Variants in LRMDA observed in about 807,000 individuals in gnomAD.
LRMDA encodes the protein leucine-rich melanocyte differentiation-associated protein.
LRMDA carries 18 observed loss-of-function variants against 29.8 expected under a neutral mutation model. That is an observed-to-expected ratio of 0.60 (90% CI 0.42 to 0.90). LRMDA has a LOEUF of 0.90. LRMDA is among the 40% of genes least tolerant of loss of function. LRMDA has a pLI of 0.00. For missense variants in LRMDA, 273 were observed against 273.9 expected (o/e 1.00, Z 0.02); for synonymous variants, 125 against 109.4 (o/e 1.14, Z -0.89).
intron 2 of LRMDA, among the ~76,000 whole-genome samples, chr10:75,477,724 C>G (rs1004597566): frequency 6.6e-6 from 1 of 152,224 alleles, no homozygotes; most frequent in Admixed American, 6.5e-5. Context: ...TGGGGCCCTG[C>G]TGTTCCCACC....
intron 2 of LRMDA, among the ~76,000 whole-genome samples, chr10:75,452,322 C>A (rs1219826972): frequency 6.6e-6 from 1 of 152,098 alleles, no homozygotes; most frequent in Non-Finnish European, 1.5e-5. Context: ...GTGTTTATCG[C>A]GCGTCTCTGT....
chr10:76,075,606 C>A (rs1453560524), intron 5 of LRMDA, among the ~76,000 whole-genome samples: 2 of 152,250 alleles, frequency 1.3e-5, no homozygotes, highest in Non-Finnish European at 2.9e-5. Context: ...ATCTACCATA[C>A]TGAGCACTTG....
chr10:75,916,187 T>G (rs139293559), intron 2 of LRMDA, among the ~76,000 whole-genome samples: 1 of 109,992 alleles, frequency 9.1e-6, no homozygotes, highest in Non-Finnish European at 2.1e-5. Flanking sequence ...TGTGTGTGTG[T>G]GTGTGTGTGG....
At chr10:76,202,115 C>T (rs1270488738) in intron 5 of LRMDA, among the ~76,000 whole-genome samples, 2 of 152,164 alleles carry the variant, frequency 1.3e-5, no homozygotes, top group Non-Finnish European at 2.9e-5. Context: ...CTGATTCTGT[C>T]ACGTTGGCTA....
intron 2 of LRMDA, among the ~76,000 whole-genome samples, chr10:75,889,631 C>A (rs1845449897): frequency 6.6e-6 from 1 of 152,202 alleles, no homozygotes; most frequent in Non-Finnish European, 1.5e-5. Context: ...ACGCCTAGAA[C>A]TGGCAACTTA....
At chr10:76,233,347 A>G (rs1195208970) in intron 5 of LRMDA, among the ~76,000 whole-genome samples, 3 of 152,232 alleles carry the variant, frequency 2.0e-5, no homozygotes, top group Non-Finnish European at 4.4e-5. Context: ...TAAAAATGCT[A>G]ATAACTATCT....
intron 2 of LRMDA, among the ~76,000 whole-genome samples, chr10:76,022,349 T>A (rs1847987967): frequency 6.6e-6 from 1 of 152,232 alleles, no homozygotes; most frequent in South Asian, 2.1e-4. Context: ...CACCAGTGAT[T>A]GACTCATGGG....
chr10:75,451,033 G>A (rs549681880), intron 2 of LRMDA: 2 of 152,336 alleles, frequency 1.3e-5, no homozygotes, highest in East Asian at 1.9e-4. Context: ...TGGTTGTAAG[G>A]TGCTTTTGTT....
At chr10:75,734,532 T>C (rs1163173543) in intron 2 of LRMDA, among the ~76,000 whole-genome samples, 1 of 152,222 alleles carries the variant, frequency 6.6e-6, no homozygotes, top group Non-Finnish European at 1.5e-5. Flanking sequence ...TACTCTTAAT[T>C]ATATCAATAT....
At chr10:75,657,893 G>A (rs923115091) in intron 2 of LRMDA, among the ~76,000 whole-genome samples, 4 of 152,104 alleles carry the variant, frequency 2.6e-5, no homozygotes, top group African/African-American at 7.2e-5. Context: ...CCTTTGGGCT[G>A]TGGAGACTAT....
At chr10:76,363,116 GGAAAGAAAGAAAGAAAGAAAGAAA>G (rs1192417224) in intron 6 of LRMDA, among the ~76,000 whole-genome samples, 10 of 51,520 alleles carry the variant, frequency 1.9e-4, no homozygotes, top group Non-Finnish European at 2.1e-4. Context: ...TGTGGAGTAA[GGAAAGAAAGAAAGAAAGAAAGAAA>G]GAAAGAAAGA....
intron 2 of LRMDA, among the ~76,000 whole-genome samples, chr10:75,697,922 C>G (rs1171514712): frequency 2.0e-5 from 3 of 151,964 alleles, no homozygotes; most frequent in Non-Finnish European, 2.9e-5. Context: ...TGGCTAACAC[C>G]TGAGTGCTTG....
intron 2 of LRMDA, among the ~76,000 whole-genome samples, chr10:75,692,219 A>AATATATATATATATATATATAT (rs57600678): frequency 5.7e-5 from 5 of 87,560 alleles, no homozygotes; most frequent in African/African-American, 2.2e-4. Context: ...AAAAAAAAAA[A>AATATATATATATATATATATAT]ATATATATAT....
At chr10:76,454,462 C>T (rs142342851) in intron 6 of LRMDA, among the ~76,000 whole-genome samples, 69 of 152,092 alleles carry the variant, frequency 4.5e-4, no homozygotes, top group African/African-American at 1.5e-3. Context: ...TATCCTAAAA[C>T]GAGCAAAACA....
intron 5 of LRMDA, among the ~76,000 whole-genome samples, chr10:76,172,566 T>C (rs1015826171): frequency 1.3e-5 from 2 of 152,148 alleles, no homozygotes; most frequent in Non-Finnish European, 2.9e-5. Context: ...ATCTGAGTGC[T>C]TACTGATCAG....
chr10:75,622,909 G>T (rs972214207), intron 2 of LRMDA, among the ~76,000 whole-genome samples: 2 of 152,168 alleles, frequency 1.3e-5, no homozygotes, highest in African/African-American at 2.4e-5. Context: ...GCTGTAATGG[G>T]TCTGGGCTGA....
At chr10:76,139,267 A>G (rs564968141) in intron 5 of LRMDA, among the ~76,000 whole-genome samples, 1 of 152,336 alleles carries the variant, frequency 6.6e-6, no homozygotes, top group Non-Finnish European at 1.5e-5. Flanking sequence ...TGATGCTGTT[A>G]GTAGATAAAT....
intron 2 of LRMDA, among the ~76,000 whole-genome samples, chr10:75,994,619 T>C (rs1472174366): frequency 6.6e-6 from 1 of 152,096 alleles, no homozygotes; most frequent in Non-Finnish European, 1.5e-5. Flanking sequence ...AGAAAGAAAA[T>C]CGCGCTCACC....
In LRMDA at chr10:76,366,768, G is replaced by A. The variant is rs191224566; in HGVS notation, c.601+42283G>A. Reference sequence around the variant, plus strand: ...TTTCTTTCTCTTGTCTGATTGCTCTGGCTAGGACTTCCAGTACTATGTTGA... The same window carrying A: ...TTTCTTTCTCTTGTCTGATTGCTCTAGCTAGGACTTCCAGTACTATGTTGA... On this transcript the variant is annotated intron_variant, in intron 6 of 6. Transcript: ENST00000611255. Among the ~76,000 whole-genome samples, 855 of 152,224 alleles carry A rather than the reference G, an allele frequency of 5.6e-3. 5 individuals carry two copies. The highest frequency in any genetic ancestry group is 0.019 in the African/African-American group (789 of 41,540).
Sources: gnomAD v4.1 joint callset for allele counts (sites outside exome capture counted in the v4.1 genomes callset) on GRCh38, gnomAD v4.1.1 for gene constraint, MANE v1.5 for transcripts, NCBI Gene and HGNC (gene_info 2026-07-23, HGNC 2026-07-21) for gene names.